The following NT5C2 variants were observed in gnomAD, a reference collection of about 807,000 sequenced individuals.
The protein encoded by NT5C2 is 5'-nucleotidase, cytosolic II, also known as cytosolic purine 5'-nucleotidase.
In NT5C2, 58 loss-of-function variants were observed where a neutral mutation model predicts 76.1. That is an observed-to-expected ratio of 0.76 (90% CI 0.62 to 0.95). NT5C2 has a LOEUF of 0.95. Among genes scored for constraint, NT5C2 ranks in the 40% least tolerant of loss-of-function variants. The pLI is 0.00. For missense variants in NT5C2, 478 were observed against 690.3 expected (o/e 0.69, Z 3.45); for synonymous variants, 229 against 237.4 (o/e 0.96, Z 0.32).
Position 103,106,587 on chromosome 10 carries a change from A to G in NT5C2, c.293+2T>C. ...TAATCCAAAAATATCTTTAAAAATT[A>G]CCTGGTAGGGAATGTAGAATCATAA... is the stretch of plus-strand genomic sequence containing the variant. On this transcript the variant is annotated splice_donor_variant, in intron 5 of 18. Transcript: ENST00000404739. LOFTEE classifies it high-confidence loss of function. The G allele has an allele frequency of 1.3e-6, 2 of 1,569,690 alleles. No homozygotes were observed. Among genetic ancestry groups the G allele is most frequent in the Non-Finnish European group, 1.8e-6 (2 of 1,139,806 alleles).
chr10:103,104,702 A>T (rs1420864822), intron 6 of NT5C2, among the ~76,000 whole-genome samples: 1 of 152,186 alleles, frequency 6.6e-6, no homozygotes, highest in Admixed American at 6.5e-5. Flanking sequence ...CCAACTAAAG[A>T]GTCTTAGATG....
At chr10:103,167,652 GAC>G (rs1387685542) in intron 3 of NT5C2, among the ~76,000 whole-genome samples, 1 of 151,132 alleles carries the variant, frequency 6.6e-6, no homozygotes, top group African/African-American at 2.4e-5. Context: ...TTGTTTTTGA[GAC>G]ACAGTCTCAC....
chr10:103,189,079 CT>C (rs1366558679), intron 1 of NT5C2, among the ~76,000 whole-genome samples: 1 of 151,434 alleles, frequency 6.6e-6, no homozygotes, highest in Non-Finnish European at 1.5e-5. Flanking sequence ...AATCTGATGC[CT>C]GAAATTTAAC....
chr10:103,150,590 T>C (rs2082227933), intron 3 of NT5C2, among the ~76,000 whole-genome samples: 1 of 152,214 alleles, frequency 6.6e-6, no homozygotes, highest in African/African-American at 2.4e-5. Context: ...AAAAAGACAT[T>C]GCCAAAACTC....
chr10:103,155,233 A>G (rs913627744), intron 3 of NT5C2, among the ~76,000 whole-genome samples: 4 of 152,226 alleles, frequency 2.6e-5, no homozygotes, highest in Admixed American at 1.3e-4. Flanking sequence ...AGTATTAGAG[A>G]TACGCACAAC....
intron 3 of NT5C2, among the ~76,000 whole-genome samples, chr10:103,148,089 T>C (rs911778984): frequency 1.1e-4 from 17 of 152,178 alleles, no homozygotes; most frequent in African/African-American, 4.1e-4. Flanking sequence ...GTATTATAGG[T>C]AAGAACTTTA....
chr10:103,101,227 GA>G lies in NT5C2; in HGVS notation c.481+7del. The G allele has an allele frequency of 6.5e-7, 1 of 1,540,626 alleles. No homozygotes were observed. The highest frequency in any genetic ancestry group is 9.0e-7 in the Non-Finnish European group (1 of 1,113,712). On this transcript the variant is annotated splice_region_variant and intron_variant, in intron 7 of 18. Coordinates refer to ENST00000404739, the MANE Select transcript of NT5C2 (RefSeq NM_001351169.2). ...GCATCAGTATAAATAAGCATAGAAT[GA>G]ATCTACCTGGTAGGTTGAATAGTGT...
At chr10:103,126,151 G>A (rs774926729) in intron 4 of NT5C2, among the ~76,000 whole-genome samples, 5 of 152,220 alleles carry the variant, frequency 3.3e-5, no homozygotes, top group South Asian at 4.2e-4. Context: ...TAGAGCACCC[G>A]ACAGGTCTAA....
At chr10:103,135,628 A>G (rs1352624868) in intron 4 of NT5C2, among the ~76,000 whole-genome samples, 1 of 151,250 alleles carries the variant, frequency 6.6e-6, no homozygotes, top group East Asian at 1.9e-4. Context: ...TCTCTACTAA[A>G]AATACAAAAA....
At chr10:103,191,573 T>G (rs1213035888) in intron 1 of NT5C2, among the ~76,000 whole-genome samples, 3 of 152,210 alleles carry the variant, frequency 2.0e-5, no homozygotes, top group African/African-American at 7.2e-5. Flanking sequence ...GGGTGGCAGG[T>G]ACTATAAGGG....
chr10:103,168,854 C>T (rs762856182), intron 3 of NT5C2, among the ~76,000 whole-genome samples: 26 of 152,100 alleles, frequency 1.7e-4, no homozygotes, highest in Non-Finnish European at 3.5e-4. Context: ...GCATCACATA[C>T]GATGTATACT....
chr10:103,111,907 T>C (rs931665226), intron 4 of NT5C2: 7 of 745,464 alleles, frequency 9.4e-6, no homozygotes, highest in Non-Finnish European at 1.3e-5. Flanking sequence ...CATTTGGAAA[T>C]TGGTATTTAC....
intron 4 of NT5C2, among the ~76,000 whole-genome samples, chr10:103,122,463 C>G (rs2075855679): frequency 6.6e-6 from 1 of 152,120 alleles, no homozygotes; most frequent in Non-Finnish European, 1.5e-5. Flanking sequence ...TGGATAATTT[C>G]TGTTCTGAAA....
chr10:103,093,650 C>T (rs140795780), intron 14 of NT5C2: 6,417 of 392,446 alleles, frequency 0.016, 103 homozygotes, highest in Middle Eastern at 0.031. Context: ...TACTATGTAC[C>T]TATACCCATG....
chr10:103,091,021 G>A (rs1564905026), intron 16 of NT5C2, 25 bp from the exon 17 acceptor site: 3 of 1,603,684 alleles, frequency 1.9e-6, no homozygotes, highest in African/African-American at 2.7e-5. Flanking sequence ...AAAACTCAGT[G>A]AAAATCTCTG....
intron 6 of NT5C2, chr10:103,105,352 A>C: frequency 2.2e-6 from 2 of 912,352 alleles, no homozygotes; most frequent in African/African-American, 1.8e-5. Context: ...ATTTTTATAT[A>C]CATACCTCTT....
At chr10:103,166,757 A>T (rs2086510382) in intron 3 of NT5C2, among the ~76,000 whole-genome samples, 1 of 151,988 alleles carries the variant, frequency 6.6e-6, no homozygotes, top group Non-Finnish European at 1.5e-5. Context: ...AGTTCAAGTG[A>T]TCTTCCTGCC....
At chr10:103,166,230 A>T (rs751771365) in intron 3 of NT5C2, among the ~76,000 whole-genome samples, 30 of 152,230 alleles carry the variant, frequency 2.0e-4, no homozygotes, top group Non-Finnish European at 8.8e-5. Flanking sequence ...GTTAGACACA[A>T]GAGTTTCCTC....
chr10:103,102,068 T>C (rs146417904), intron 6 of NT5C2, among the ~76,000 whole-genome samples: 2 of 152,206 alleles, frequency 1.3e-5, no homozygotes, highest in East Asian at 3.9e-4. Context: ...AAAACAAAAT[T>C]AAATTAGTGG....
Sources: allele counts gnomAD v4.1 joint callset (sites outside exome capture counted in the v4.1 genomes callset), GRCh38; gene constraint gnomAD v4.1.1; transcripts MANE v1.5; gene names NCBI Gene and HGNC (gene_info 2026-07-23, HGNC 2026-07-21).